PLAAT1: variants seen among roughly 807,000 people sequenced by gnomAD.
The protein encoded by PLAAT1 is H-REV107 protein-related protein.
In PLAAT1, 13 loss-of-function variants were observed where a neutral mutation model predicts 16.4. The observed-to-expected ratio is 0.79, with a 90% CI of 0.52 to 1.26. PLAAT1 has a LOEUF of 1.26. Among genes scored for constraint, PLAAT1 ranks in the 50% most tolerant of loss-of-function variants. PLAAT1 has a pLI of 0.00. For synonymous variants in PLAAT1, 73 were observed against 78.4 expected, an observed-to-expected ratio of 0.93 and a Z score of 0.36; for missense variants, 218 against 207.8, an observed-to-expected ratio of 1.05 and a Z score of -0.30.
downstream of PLAAT1, among the ~76,000 whole-genome samples, chr3:193,280,622 C>A (rs113013200): frequency 0.024 from 3,723 of 152,236 alleles, 128 homozygotes; most frequent in African/African-American, 0.068. Context: ...CTAAACTTCC[C>A]GGATGCACTG....
At chr3:193,241,858 T>G (rs1715765436) in intron 1 of PLAAT1, among the ~76,000 whole-genome samples, 1 of 152,214 alleles carries the variant, frequency 6.6e-6, no homozygotes, top group African/African-American at 2.4e-5. Flanking sequence ...GTGATATTCC[T>G]TTGGCATGCG....
At chr3:193,258,563 T>C (rs916487215) in intron 2 of PLAAT1, among the ~76,000 whole-genome samples, 2 of 151,932 alleles carry the variant, frequency 1.3e-5, no homozygotes, top group Non-Finnish European at 2.9e-5. Flanking sequence ...ATGACAAAAA[T>C]GACATTATAA....
At chr3:193,253,121 T>A (rs578244883) in intron 1 of PLAAT1, among the ~76,000 whole-genome samples, 3 of 152,330 alleles carry the variant, frequency 2.0e-5, no homozygotes, top group East Asian at 3.9e-4. Context: ...TTAGATAATA[T>A]CTGAAGTACC....
At chr3:193,268,269 C>A (rs1448531828) in intron 3 of PLAAT1, among the ~76,000 whole-genome samples, 1 of 152,170 alleles carries the variant, frequency 6.6e-6, no homozygotes, top group Non-Finnish European at 1.5e-5. Context: ...GGAACACATC[C>A]TGATGGTGCT....
chr3:193,276,173 G>T (rs1449440800), intron 2 of PLAAT1, among the ~76,000 whole-genome samples: 1 of 152,088 alleles, frequency 6.6e-6, no homozygotes, highest in Non-Finnish European at 1.5e-5. Context: ...TTTCCAAAAA[G>T]TCTTAAAGCA....
upstream of PLAAT1, among the ~76,000 whole-genome samples, chr3:193,240,925 T>A (rs1271055024): frequency 6.6e-6 from 1 of 152,084 alleles, no homozygotes; most frequent in Non-Finnish European, 1.5e-5. Flanking sequence ...CAAAACCGAT[T>A]ATCTTTATAA....
chr3:193,271,969 C>T (rs1716997273), downstream of PLAAT1, among the ~76,000 whole-genome samples: 1 of 152,008 alleles, frequency 6.6e-6, no homozygotes, highest in Non-Finnish European at 1.5e-5. Flanking sequence ...TAATTCCCTC[C>T]CTTTCTTATG....
In PLAAT1 at chr3:193,241,409, CGG is replaced by C; in HGVS notation, c.-123_-122del. 8.1e-7 allele frequency: 1 copy of C among 1,231,832 alleles called. No individual in the cohort carries two copies. Among genetic ancestry groups the C allele is most frequent in the East Asian group, 3.2e-5 (1 of 31,690 alleles). 76.3% of individuals were successfully genotyped at this position (1,231,832 alleles called of 1,614,324 possible). A position where few individuals can be genotyped will look rare whatever the true frequency, so the allele number is the denominator to read the frequency against. The stretch of plus-strand genomic sequence containing the variant: ...TGGCGCCTGCCTCCCGGGTGTCTCC[CGG>C]GTACAGATGGAGTCGTCCCGCGGCC... On this transcript the variant is annotated 5_prime_UTR_variant, in exon 1 of 4. Coordinates refer to ENST00000264735, the MANE Select transcript of PLAAT1 (RefSeq NM_020386.5).
At chr3:193,281,170 T>G (rs1717477805), downstream of PLAAT1, 25 of 985,250 alleles carry the variant, frequency 2.5e-5, no homozygotes, top group Non-Finnish European at 2.9e-5. Flanking sequence ...AATAGCTGTG[T>G]GGATTTTTCA....
At chr3:193,248,200 G>C (rs1468540369) in intron 1 of PLAAT1, among the ~76,000 whole-genome samples, 1 of 151,900 alleles carries the variant, frequency 6.6e-6, no homozygotes, top group Non-Finnish European at 1.5e-5. Context: ...AGTCTATTTT[G>C]TCTGATAGAA....
At position 193,270,855 on chromosome 3, in the gene PLAAT1, A is replaced by C; in HGVS notation, c.*150A>C. 3.0e-6 allele frequency: 4 copies of C among 1,320,188 alleles called. No homozygotes were observed. The highest frequency in any genetic ancestry group is 3.9e-6 in the Non-Finnish European group (4 of 1,032,768). The allele number at this position is 1,320,188 out of a possible 1,614,324, so 81.8% of individuals were successfully genotyped here. ...ATAAATTGCTTACTGATATTATCTT[A>C]TCATTGAGCCAATGAAATTTTTTTC... On this transcript the variant is annotated 3_prime_UTR_variant, in exon 4 of 4. Transcript: ENST00000264735.
intron 3 of PLAAT1, among the ~76,000 whole-genome samples, chr3:193,264,463 A>ATTATTT (rs1274784697): frequency 6.6e-6 from 1 of 151,432 alleles, no homozygotes; most frequent in Admixed American, 6.6e-5. Flanking sequence ...GCCTATTAAG[A>ATTATTT]TTATTTGCCC....
intron 2 of PLAAT1, chr3:193,276,879 GA>G: frequency 1.6e-6 from 2 of 1,269,312 alleles, no homozygotes; most frequent in Non-Finnish European, 1.1e-6. Context: ...TTCACACTTT[GA>G]AAAAAGACCA....
chr3:193,270,082 A>C (rs1409601480), intron 3 of PLAAT1, among the ~76,000 whole-genome samples: 1 of 151,794 alleles, frequency 6.6e-6, no homozygotes, highest in East Asian at 1.9e-4. Flanking sequence ...ACACACACAC[A>C]CACACACACA....
chr3:193,246,004 C>A (rs1015457693), intron 1 of PLAAT1, among the ~76,000 whole-genome samples: 1 of 152,204 alleles, frequency 6.6e-6, no homozygotes, highest in African/African-American at 2.4e-5. Flanking sequence ...ATGTCATCAA[C>A]AAACAGAAAT....
intron 3 of PLAAT1, among the ~76,000 whole-genome samples, chr3:193,270,078 AC>A (rs1429147562): frequency 1.3e-4 from 20 of 151,648 alleles, no homozygotes; most frequent in African/African-American, 4.6e-4. Flanking sequence ...AAACACACAC[AC>A]ACACACACAC....
chr3:193,242,693 A>T (rs758017933), intron 1 of PLAAT1, among the ~76,000 whole-genome samples: 15 of 151,998 alleles, frequency 9.9e-5, no homozygotes, highest in Non-Finnish European at 1.5e-4. Context: ...AAGGAGTGGA[A>T]CCCTCCTTTG....
chr3:193,277,442 A>G (rs1043877073), intron 2 of PLAAT1, among the ~76,000 whole-genome samples: 1 of 152,170 alleles, frequency 6.6e-6, no homozygotes, highest in African/African-American at 2.4e-5. Context: ...CCATAGCAAA[A>G]GGCTAGTTAC....
chr3:193,253,427 C>T (rs2108786777), intron 1 of PLAAT1, among the ~76,000 whole-genome samples: 1 of 152,216 alleles, frequency 6.6e-6, no homozygotes, highest in Admixed American at 6.5e-5. Flanking sequence ...CCTACATAAA[C>T]CATGTACCAA....
Sources: gnomAD v4.1 joint callset for allele counts (sites outside exome capture counted in the v4.1 genomes callset) on GRCh38, gnomAD v4.1.1 for gene constraint, MANE v1.5 for transcripts, NCBI Gene and HGNC (gene_info 2026-07-23, HGNC 2026-07-21) for gene names.